ATP9A: variants seen among roughly 807,000 people sequenced by gnomAD.
ATP9A encodes the protein probable phospholipid-transporting ATPase IIA.
In ATP9A, 52 loss-of-function variants were observed where a neutral mutation model predicts 144.1. That is an observed-to-expected ratio of 0.36 (90% CI 0.29 to 0.45). The LOEUF (loss-of-function observed/expected upper bound fraction) is 0.45. Among genes scored for constraint, ATP9A ranks in the 20% least tolerant of loss-of-function variants. The pLI is 1.00. For missense variants in ATP9A, 947 were observed against 1,392.7 expected (o/e 0.68, Z 5.09); for synonymous variants, 582 against 557.4 (o/e 1.04, Z -0.62).
At chr20:51,608,060 A>AAG (rs1555827504) in intron 25 of ATP9A, among the ~76,000 whole-genome samples, 7 of 148,462 alleles carry the variant, frequency 4.7e-5, no homozygotes, top group Non-Finnish European at 5.9e-5. Context: ...AAAAAAAAAA[A>AAG]GAATTAACAT....
At chr20:51,620,060 T>C (rs530728002) in intron 19 of ATP9A, among the ~76,000 whole-genome samples, 24 of 152,286 alleles carry the variant, frequency 1.6e-4, no homozygotes, top group African/African-American at 5.5e-4. Context: ...ATGGCTAGTA[T>C]GCTGTAGCCC....
In ATP9A at chr20:51,680,589, GACCTCAGC is replaced by G. The variant is rs1454141382; in HGVS notation, c.800-4389_800-4382del. 6.6e-5 allele frequency among the ~76,000 whole-genome samples: 10 copies of G among 152,108 alleles called. No individual in the cohort carries two copies. In the South Asian group the frequency reaches 1.9e-3, roughly 28 times the overall value. ...AGATTAATGCCAGCTGATACAGACG[GACCTCAGC>G]ACTGCCTGGCAAGCTTTTTTATTTT... On this transcript the variant is annotated intron_variant, in intron 9 of 27. Transcript: ENST00000338821.
At chr20:51,686,807 T>A (rs932415713) in intron 9 of ATP9A, among the ~76,000 whole-genome samples, 2 of 152,140 alleles carry the variant, frequency 1.3e-5, no homozygotes, top group African/African-American at 4.8e-5. Flanking sequence ...TGGTTGCACA[T>A]GCCTGTAATC....
intron 13 of ATP9A, among the ~76,000 whole-genome samples, chr20:51,657,587 G>C (rs532666868): frequency 1.3e-5 from 2 of 152,150 alleles, no homozygotes; most frequent in African/African-American, 4.8e-5. Flanking sequence ...CAGATGCGCT[G>C]GACGCCAGCA....
intron 1 of ATP9A, among the ~76,000 whole-genome samples, chr20:51,759,296 A>G (rs1041682112): frequency 2.0e-5 from 3 of 152,234 alleles, no homozygotes; most frequent in African/African-American, 7.2e-5. Context: ...TTCACCCACC[A>G]GCACAATCCC....
chr20:51,707,144 C>G (rs1441815239), intron 4 of ATP9A, among the ~76,000 whole-genome samples: 2 of 152,146 alleles, frequency 1.3e-5, no homozygotes, highest in African/African-American at 4.8e-5. Context: ...TGGGTCCTGG[C>G]CTGAGTTCCA....
chr20:51,761,888 G>A (rs1194323109), intron 1 of ATP9A, among the ~76,000 whole-genome samples: 2 of 152,166 alleles, frequency 1.3e-5, no homozygotes, highest in Non-Finnish European at 2.9e-5. Flanking sequence ...GCAGAGCCGT[G>A]TTCCTTCTGG....
chr20:51,609,163 GGAAAT>G (rs2077175534), intron 24 of ATP9A, among the ~76,000 whole-genome samples: 1 of 152,064 alleles, frequency 6.6e-6, no homozygotes, highest in Non-Finnish European at 1.5e-5. Context: ...CGACGGAAGA[GGAAAT>G]GAGGACCCAC....
intron 2 of ATP9A, among the ~76,000 whole-genome samples, chr20:51,726,551 G>T (rs1226630732): frequency 6.6e-6 from 1 of 152,002 alleles, no homozygotes; most frequent in Non-Finnish European, 1.5e-5. Context: ...GGCACACAGG[G>T]GCATCAACTA....
At chr20:51,683,873 T>C (rs544114551) in intron 9 of ATP9A, among the ~76,000 whole-genome samples, 1 of 152,328 alleles carries the variant, frequency 6.6e-6, no homozygotes, top group Non-Finnish European at 1.5e-5. Flanking sequence ...TATTTTAATG[T>C]AAGACTATAT....
At chr20:51,748,652 G>A (rs141597444) in intron 1 of ATP9A, among the ~76,000 whole-genome samples, 1 of 152,322 alleles carries the variant, frequency 6.6e-6, no homozygotes, top group Non-Finnish European at 1.5e-5. Context: ...CATCACCTCA[G>A]GGAGGACATT....
chr20:51,743,027 G>A (rs73911387), intron 1 of ATP9A, among the ~76,000 whole-genome samples: 5,554 of 152,202 alleles, frequency 0.036, 146 homozygotes, highest in African/African-American at 0.069. Flanking sequence ...GTTGTCCCAC[G>A]GTAGAAACCT....
At chr20:51,703,057 C>T (rs1194709008) in intron 4 of ATP9A, among the ~76,000 whole-genome samples, 1 of 152,138 alleles carries the variant, frequency 6.6e-6, no homozygotes, top group Non-Finnish European at 1.5e-5. Context: ...AGGACCAATA[C>T]ACTCCCAGCT....
chr20:51,746,948 G>A (rs933250071), intron 1 of ATP9A, among the ~76,000 whole-genome samples: 8 of 112,150 alleles, frequency 7.1e-5, no homozygotes, highest in African/African-American at 2.5e-4. Flanking sequence ...GGAGGTTGCA[G>A]TGAGCCGAGG....
chr20:51,696,137 C>G lies in ATP9A; in HGVS notation c.503G>C (p.Arg168Pro). ...GDLIIVEKNQ[R>P]VPADMIFLRT... Reference sequence around the variant, plus strand: ...CAGGAAGATCATGTCGGCAGGGACCCGCTGGTTCTGTGTTATGAAAAGAAA... The same window carrying G: ...CAGGAAGATCATGTCGGCAGGGACCGGCTGGTTCTGTGTTATGAAAAGAAA... Residue 168 changes from arginine (R) to proline (P), a missense_variant, in exon 6 of 28, where the codon CGG becomes CCG. By Grantham distance (103) the Arg-to-Pro change is moderately radical (BLOSUM62 -2). This residue lies in a region of ATP9A where 770 missense variants were observed against 1,047.9 expected (regional missense o/e 0.73). Coordinates refer to ENST00000338821, the MANE Select transcript of ATP9A (RefSeq NM_006045.3). 1.2e-6 allele frequency: 2 copies of G among 1,613,772 alleles called. No individual in the cohort carries two copies.
intron 4 of ATP9A, among the ~76,000 whole-genome samples, 187 bp from the exon 5 acceptor site, chr20:51,697,669 C>T (rs1306181080): frequency 6.6e-6 from 1 of 152,134 alleles, no homozygotes; most frequent in African/African-American, 2.4e-5. Context: ...CTACAGAGGC[C>T]GTTGCAGAAA....
At chr20:51,601,420 C>A in intron 27 of ATP9A, 73 bp from the exon 28 acceptor site, 1 of 1,421,062 alleles carries the variant, frequency 7.0e-7, no homozygotes, top group South Asian at 1.5e-5. Flanking sequence ...CAGAAACAGG[C>A]GTCACAACTA....
At chr20:51,652,068 G>T (rs1000749997) in intron 14 of ATP9A, among the ~76,000 whole-genome samples, 1 of 152,178 alleles carries the variant, frequency 6.6e-6, no homozygotes, top group South Asian at 2.1e-4. Context: ...TTGGAAAGTT[G>T]CATTATCACC....
At chr20:51,749,737 G>GTACA (rs2077823621) in intron 1 of ATP9A, among the ~76,000 whole-genome samples, 2 of 152,288 alleles carry the variant, frequency 1.3e-5, no homozygotes, top group African/African-American at 4.8e-5. Flanking sequence ...CTGGGGAAGG[G>GTACA]TACAGGGTAG....
Sources: gnomAD v4.1 joint callset for allele counts (sites outside exome capture counted in the v4.1 genomes callset) on GRCh38, gnomAD v4.1.1 for gene constraint, gnomAD v4.1.1 regional missense constraint, MANE v1.5 for transcripts, NCBI Gene and HGNC (gene_info 2026-07-23, HGNC 2026-07-21) for gene names.